The following NEGR1 variants were observed in gnomAD, a reference collection of about 807,000 sequenced individuals.
NEGR1 encodes the protein IgLON family member 4.
Under a neutral mutation model 40.9 loss-of-function variants are expected in NEGR1, and 10 were observed. The ratio of observed to expected loss-of-function variants is 0.24; its 90% CI spans 0.15 to 0.42. The LOEUF (loss-of-function observed/expected upper bound fraction) is 0.42, where lower values mean the gene tolerates loss of function less well. Ranked by LOEUF, NEGR1 falls within the 10% of genes least tolerant of loss-of-function variation. The pLI is 1.00. For synonymous variants in NEGR1, 185 were observed against 166.8 expected, an observed-to-expected ratio of 1.11 and a Z score of -0.84; for missense variants, 352 against 438.9, an observed-to-expected ratio of 0.80 and a Z score of 1.77.
Position 72,243,417 on chromosome 1 carries a change from G to A in NEGR1, c.176+38902C>T, listed in dbSNP as rs547828107. Among the ~76,000 whole-genome samples, 4 of 151,848 alleles carry A rather than the reference G, an allele frequency of 2.6e-5. No homozygotes were observed. The East Asian group carries it at 7.7e-4, about 29-fold the overall frequency. ...AATAGTACATAATCAGGAATTTTAAGAATGGTTTATCCCCTGTGACACGCA... is the reference window on the plus strand; with the variant it reads ...AATAGTACATAATCAGGAATTTTAAAAATGGTTTATCCCCTGTGACACGCA... On this transcript the variant is annotated intron_variant, in intron 1 of 6. Coordinates refer to ENST00000357731, the MANE Select transcript of NEGR1 (RefSeq NM_173808.3).
chr1:71,706,367 A>T (rs915878854), intron 3 of NEGR1, among the ~76,000 whole-genome samples: 1 of 152,044 alleles, frequency 6.6e-6, no homozygotes, highest in Non-Finnish European at 1.5e-5. Context: ...AAGGGCCAAA[A>T]TGCTTTCAGT....
chr1:71,684,673 G>C (rs1652964024), intron 4 of NEGR1, among the ~76,000 whole-genome samples: 2 of 152,198 alleles, frequency 1.3e-5, no homozygotes, highest in South Asian at 4.1e-4. Context: ...AGAGGAAGAT[G>C]AAGTATCAGA....
chr1:72,041,607 A>G (rs1332502184), intron 1 of NEGR1, among the ~76,000 whole-genome samples: 1 of 150,790 alleles, frequency 6.6e-6, no homozygotes, highest in Non-Finnish European at 1.5e-5. Context: ...ACAGTCAAAT[A>G]TGGTTTTGTG....
At chr1:72,211,512 G>A (rs1279303283) in intron 1 of NEGR1, among the ~76,000 whole-genome samples, 1 of 151,424 alleles carries the variant, frequency 6.6e-6, no homozygotes, top group African/African-American at 2.4e-5. Flanking sequence ...GTCACAGGTT[G>A]AATGCAGAGT....
At chr1:71,690,061 C>T (rs1334701555) in intron 4 of NEGR1, among the ~76,000 whole-genome samples, 2 of 151,946 alleles carry the variant, frequency 1.3e-5, no homozygotes, top group South Asian at 2.1e-4. Flanking sequence ...CTTGTACATA[C>T]TGCTATTATT....
intron 1 of NEGR1, among the ~76,000 whole-genome samples, chr1:71,959,129 T>C (rs1019416118): frequency 1.3e-5 from 2 of 152,166 alleles, no homozygotes; most frequent in African/African-American, 4.8e-5. Flanking sequence ...AGACAACTGA[T>C]TTTTCCCCTT....
At chr1:71,412,503 T>A in intron 6 of NEGR1, among the ~76,000 whole-genome samples, 1 of 152,304 alleles carries the variant, frequency 6.6e-6, no homozygotes, top group East Asian at 1.9e-4. Flanking sequence ...ACATTCCTCC[T>A]TATATGTGCA....
chr1:72,047,827 T>C (rs371092892), intron 1 of NEGR1, among the ~76,000 whole-genome samples: 2 of 151,614 alleles, frequency 1.3e-5, no homozygotes, highest in East Asian at 3.9e-4. Context: ...CTCAAGACTT[T>C]TAATTTTTAC....
At chr1:71,707,482 A>G (rs1356163650) in intron 3 of NEGR1, among the ~76,000 whole-genome samples, 1 of 152,160 alleles carries the variant, frequency 6.6e-6, no homozygotes, top group Non-Finnish European at 1.5e-5. Flanking sequence ...TAGCCAGAAT[A>G]CAATAGAAGA....
chr1:72,273,995 C>CTT lies in NEGR1; in HGVS notation c.176+8322_176+8323dup, dbSNP rs11383775. 7.5e-4 allele frequency among the ~76,000 whole-genome samples: 104 copies of CTT among 139,558 alleles called. 1 individual carries two copies. Among genetic ancestry groups the CTT allele is most frequent in the Non-Finnish European group, 8.9e-4 (57 of 64,090 alleles). The allele number at this position is 139,558 out of a possible 152,430, so 91.6% of individuals were successfully genotyped here. A position where few individuals can be genotyped will look rare whatever the true frequency, so the allele number is the denominator to read the frequency against. Reference sequence around the variant, plus strand: ...TACCACTACAAACCCACGTGTTGTTCTTTTTTTTTTTTTTTAGTTTCCAGA... The same window carrying CTT: ...TACCACTACAAACCCACGTGTTGTTCTTTTTTTTTTTTTTTTTAGTTTCCAGA... On this transcript the variant is annotated intron_variant, in intron 1 of 6. Coordinates refer to ENST00000357731, the MANE Select transcript of NEGR1 (RefSeq NM_173808.3).
At chr1:71,453,249 A>G (rs1029878473) in intron 6 of NEGR1, among the ~76,000 whole-genome samples, 3 of 152,100 alleles carry the variant, frequency 2.0e-5, no homozygotes, top group Admixed American at 2.0e-4. Flanking sequence ...ATCTTCTACA[A>G]GTTCTGTGTC....
rs116613241 is a variant in NEGR1, at chr1:72,102,638, C to T, written c.177-167327G>A. ...AAGGTTTTTGCTATCTGCATACTTA[C>T]GAAAGCAAACTAAAGTGTCACATCT... On this transcript the variant is annotated intron_variant, in intron 1 of 6. Transcript: ENST00000357731. 1.1e-3 allele frequency among the ~76,000 whole-genome samples: 162 copies of T among 152,066 alleles called. 1 individual carries two copies. The highest frequency in any genetic ancestry group is 3.7e-3 in the African/African-American group (152 of 41,506).
At chr1:71,920,453 C>T (rs1570503680) in intron 2 of NEGR1, among the ~76,000 whole-genome samples, 1 of 152,154 alleles carries the variant, frequency 6.6e-6, no homozygotes, top group East Asian at 1.9e-4. Context: ...TCCACTACTT[C>T]ACCCCAAAAG....
intron 2 of NEGR1, among the ~76,000 whole-genome samples, chr1:71,883,425 C>T (rs1002883581): frequency 5.9e-5 from 9 of 151,872 alleles, no homozygotes; most frequent in African/African-American, 2.2e-4. Flanking sequence ...AATAAAAGCC[C>T]TGATTTTTTT....
chr1:72,027,681 A>T (rs187914773), intron 1 of NEGR1, among the ~76,000 whole-genome samples: 1 of 152,226 alleles, frequency 6.6e-6, no homozygotes, highest in Non-Finnish European at 1.5e-5. Context: ...AATAATCATT[A>T]GTCTGGCTTC....
chr1:72,113,427 C>A (rs958926787), intron 1 of NEGR1, among the ~76,000 whole-genome samples: 3 of 139,864 alleles, frequency 2.1e-5, no homozygotes, highest in Non-Finnish European at 4.8e-5. Context: ...AGTGAGTAAG[C>A]TTTTATACAA....
At chr1:72,175,319 C>T (rs1225948533) in intron 1 of NEGR1, among the ~76,000 whole-genome samples, 1 of 152,086 alleles carries the variant, frequency 6.6e-6, no homozygotes, top group African/African-American at 2.4e-5. Context: ...TTTCCAGAAG[C>T]TATCATCCAA....
At chr1:71,416,337 G>A (rs1023595291) in intron 6 of NEGR1, among the ~76,000 whole-genome samples, 3 of 152,056 alleles carry the variant, frequency 2.0e-5, no homozygotes, top group African/African-American at 4.8e-5. Flanking sequence ...TTTTGTGTTA[G>A]GAAGGTTACC....
At chr1:71,711,025 C>CA (rs1035321480) in intron 3 of NEGR1, among the ~76,000 whole-genome samples, 6 of 151,656 alleles carry the variant, frequency 4.0e-5, no homozygotes, top group South Asian at 4.2e-4. Flanking sequence ...TATTTACCCA[C>CA]AAAAAAAGTT....
Sources: gnomAD v4.1 joint callset for allele counts (sites outside exome capture counted in the v4.1 genomes callset) on GRCh38, gnomAD v4.1.1 for gene constraint, MANE v1.5 for transcripts, NCBI Gene and HGNC (gene_info 2026-07-23, HGNC 2026-07-21) for gene names.